Variants in LNX1 observed in about 807,000 individuals in gnomAD.
LNX1 encodes ligand of numb-protein X 1.
A neutral mutation model predicts 68.4 loss-of-function variants in LNX1; 54 were observed. The observed-to-expected ratio is 0.79, with a 90% CI of 0.63 to 0.99. The LOEUF (loss-of-function observed/expected upper bound fraction) is 0.99, where lower values mean the gene tolerates loss of function less well. Ranked by LOEUF, LNX1 falls within the 50% of genes least tolerant of loss-of-function variation. LNX1 has a pLI of 0.00. For synonymous variants in LNX1, 336 were observed against 350.0 expected, an observed-to-expected ratio of 0.96 and a Z score of 0.45; for missense variants, 906 against 926.4, an observed-to-expected ratio of 0.98 and a Z score of 0.29.
chr4:53,527,473 C>A (rs1370009016), intron 2 of LNX1, among the ~76,000 whole-genome samples: 3 of 152,200 alleles, frequency 2.0e-5, no homozygotes, highest in Non-Finnish European at 2.9e-5. Context: ...CTGGTGCTGA[C>A]TCCTGGTGCT....
chr4:53,518,701 G>A (rs547780743), intron 2 of LNX1, among the ~76,000 whole-genome samples: 6 of 152,244 alleles, frequency 3.9e-5, no homozygotes, highest in African/African-American at 1.4e-4. Flanking sequence ...AAGTGGAAGG[G>A]CTAGGATTTA....
chr4:53,562,693 CAGG>C (rs1026257627), intron 2 of LNX1, among the ~76,000 whole-genome samples: 4 of 152,102 alleles, frequency 2.6e-5, no homozygotes, highest in Non-Finnish European at 4.4e-5. Context: ...GGCATAAATT[CAGG>C]AGATTATTTG....
chr4:53,579,186 G>A, intron 1 of LNX1: 1 of 776,852 alleles, frequency 1.3e-6, no homozygotes, highest in Non-Finnish European at 1.6e-6. Context: ...AGACAGAGCT[G>A]TGATACAGTG....
At chr4:53,564,513 C>T (rs1249081345) in intron 2 of LNX1, among the ~76,000 whole-genome samples, 1 of 152,220 alleles carries the variant, frequency 6.6e-6, no homozygotes, top group Non-Finnish European at 1.5e-5. Context: ...CCCACTCTTA[C>T]TCCTGGGGTG....
chr4:53,534,324 T>C (rs1022451643), intron 2 of LNX1, among the ~76,000 whole-genome samples: 1 of 152,072 alleles, frequency 6.6e-6, no homozygotes, highest in African/African-American at 2.4e-5. Context: ...ACCCTGAATG[T>C]CATAAATTGA....
In LNX1 at chr4:53,496,206, G is replaced by C. The variant is rs140094412; in HGVS notation, c.1167C>G (p.Pro389=). The change falls in exon 6 of 11, where the codon CCC becomes CCG. Residue 389 remains proline (P), a synonymous_variant. Coordinates refer to ENST00000263925, the MANE Select transcript of LNX1 (RefSeq NM_001126328.3). The part of the protein sequence containing the change: ...SFHVILNKSS[P]EEQLGIKLVR... Reference sequence around the variant, plus strand: ...CCAGTTTTATTCCAAGCTGCTCCTCGGGGCTACTTTTGTTGAGAATCACAT... The same window carrying C: ...CCAGTTTTATTCCAAGCTGCTCCTCCGGGCTACTTTTGTTGAGAATCACAT... 33 of 1,613,972 alleles carry C rather than the reference G, an allele frequency of 2.0e-5. No individual in the cohort carries two copies. The Middle Eastern group carries it at 2.1e-3, about 105-fold the overall frequency.
chr4:53,546,356 G>A (rs565359614), intron 2 of LNX1, among the ~76,000 whole-genome samples: 53 of 152,310 alleles, frequency 3.5e-4, no homozygotes, highest in East Asian at 2.9e-3. Context: ...TCCATCAGAG[G>A]ATGCTGCATT....
At chr4:53,562,112 T>C (rs1730333449) in intron 2 of LNX1, among the ~76,000 whole-genome samples, 1 of 152,246 alleles carries the variant, frequency 6.6e-6, no homozygotes, top group African/African-American at 2.4e-5. Flanking sequence ...ATACTGTGTA[T>C]GCAGATGATG....
chr4:53,619,250 A>G (rs1264980566), upstream of LNX1, among the ~76,000 whole-genome samples: 1 of 152,194 alleles, frequency 6.6e-6, no homozygotes, highest in Non-Finnish European at 1.5e-5. Context: ...TAGTTTATTC[A>G]CAAGACTATA....
At chr4:53,513,916 T>C (rs973554821) in intron 2 of LNX1, among the ~76,000 whole-genome samples, 1 of 152,254 alleles carries the variant, frequency 6.6e-6, no homozygotes, top group Non-Finnish European at 1.5e-5. Context: ...TTGTGACTTC[T>C]GACTTCCTCT....
chr4:53,461,388 T>G, intron 10 of LNX1, 47 bp downstream of exon 10: 2 of 1,466,304 alleles, frequency 1.4e-6, no homozygotes, highest in African/African-American at 1.4e-5. Flanking sequence ...TTGGCATTTA[T>G]GAAACAACAT....
chr4:53,490,187 A>G (rs1724583828), intron 6 of LNX1, among the ~76,000 whole-genome samples: 1 of 152,156 alleles, frequency 6.6e-6, no homozygotes, highest in Admixed American at 6.5e-5. Flanking sequence ...CCCTATTATC[A>G]TTGGCTCTAG....
intron 3 of LNX1, 73 bp from the exon 4 acceptor site, chr4:53,507,542 G>A (rs1685069659): frequency 1.3e-6 from 2 of 1,488,618 alleles, no homozygotes; most frequent in South Asian, 1.2e-5. Flanking sequence ...TATCTGATAA[G>A]ATATACACAA....
intron 1 of LNX1, among the ~76,000 whole-genome samples, chr4:53,586,524 C>A (rs897196283): frequency 6.6e-6 from 1 of 152,196 alleles, no homozygotes; most frequent in African/African-American, 2.4e-5. Flanking sequence ...TGAAAAAAAT[C>A]ATGGAGTCTA....
At chr4:53,593,382 G>C (rs191916317), upstream of LNX1, among the ~76,000 whole-genome samples, 104 of 152,350 alleles carry the variant, frequency 6.8e-4, no homozygotes, top group African/African-American at 2.4e-3. Context: ...GGCAGGGGAA[G>C]GGTGTAGGTG....
chr4:53,502,973 C>T (rs935155317), intron 4 of LNX1, among the ~76,000 whole-genome samples: 1 of 150,800 alleles, frequency 6.6e-6, no homozygotes, highest in African/African-American at 2.4e-5. Context: ...CTCTGTTGCC[C>T]AGGCTGGAGT....
At chr4:53,621,804 C>T (rs190543683), upstream of LNX1, among the ~76,000 whole-genome samples, 8 of 152,202 alleles carry the variant, frequency 5.3e-5, no homozygotes, top group East Asian at 1.9e-4. Context: ...AAATGGGCAC[C>T]GATTTGAGAG....
At chr4:53,605,828 G>T (rs1260201624) in intron 2 of LNX1, among the ~76,000 whole-genome samples, 9 of 152,076 alleles carry the variant, frequency 5.9e-5, no homozygotes. Context: ...TCTATCAATG[G>T]ACACTTTGGT....
At chr4:53,503,459 A>C (rs1725646369) in intron 4 of LNX1, among the ~76,000 whole-genome samples, 1 of 152,228 alleles carries the variant, frequency 6.6e-6, no homozygotes, top group South Asian at 2.1e-4. Context: ...TTGCGTCTCC[A>C]TCGAAGTACT....
Sources: gnomAD v4.1 joint callset for allele counts (sites outside exome capture counted in the v4.1 genomes callset) on GRCh38, gnomAD v4.1.1 for gene constraint, MANE v1.5 for transcripts, NCBI Gene and HGNC (gene_info 2026-07-23, HGNC 2026-07-21) for gene names.